Variants in AMTN observed in about 807,000 individuals in gnomAD.
The protein encoded by AMTN is RSTI689.
In AMTN, 29 loss-of-function variants were observed where a neutral mutation model predicts 27.4. The observed-to-expected ratio is 1.06, with a 90% CI of 0.79 to 1.44. AMTN has a LOEUF of 1.44. Among genes scored for constraint, AMTN ranks in the 40% most tolerant of loss-of-function variants. The pLI is 0.00. For missense variants in AMTN, 247 were observed against 248.8 expected (o/e 0.99, Z 0.05); for synonymous variants, 86 against 95.7 (o/e 0.90, Z 0.59).
In AMTN at chr4:70,522,824, C is replaced by A; in HGVS notation, c.124C>A (p.Gln42Lys). The stretch of plus-strand genomic sequence containing the variant: ...GGATCAGGGAACACTACCAAACCAA[C>A]AGCAGTCAAATCAGGTAAGAGTCCT... ...APDQGTLPNQ[Q>K]QSNQVFPSLS... The change falls in exon 3 of 9, where the codon CAG becomes AAG. Residue 42 changes from glutamine (Q) to lysine (K), a missense_variant. Transcript: ENST00000339336. The A allele has an allele frequency of 6.2e-7, 1 of 1,613,998 alleles. No individual in the cohort carries two copies. The highest frequency in any genetic ancestry group is 8.5e-7 in the Non-Finnish European group (1 of 1,179,884).
intron 8 of AMTN, among the ~76,000 whole-genome samples, chr4:70,531,599 G>A (rs1014308514): frequency 3.9e-5 from 6 of 152,052 alleles, no homozygotes; most frequent in South Asian, 2.1e-4. Context: ...TGCAACCTCC[G>A]TCTCCTAGGT....
intron 6 of AMTN, 28 bp downstream of exon 6, chr4:70,528,786 A>G: frequency 6.4e-7 from 1 of 1,557,430 alleles, no homozygotes; most frequent in Non-Finnish European, 8.7e-7. Context: ...TATTGTCTTG[A>G]TTTTAAATCA....
intron 7 of AMTN, among the ~76,000 whole-genome samples, chr4:70,530,586 C>G (rs999832787): frequency 6.6e-6 from 1 of 152,108 alleles, no homozygotes; most frequent in Non-Finnish European, 1.5e-5. Flanking sequence ...CTCCAATAGA[C>G]AGGAATTCTT....
chr4:70,521,633 A>G (rs1475585366), intron 2 of AMTN, among the ~76,000 whole-genome samples: 1 of 122,596 alleles, frequency 8.2e-6, no homozygotes, highest in Admixed American at 8.6e-5. Flanking sequence ...AGATAATACC[A>G]ACCTCTCTTT....
At chr4:70,519,659 C>T (rs927494464) in intron 2 of AMTN, among the ~76,000 whole-genome samples, 4 of 151,972 alleles carry the variant, frequency 2.6e-5, no homozygotes, top group African/African-American at 9.7e-5. Context: ...GAAAAAAAGG[C>T]ATAATCCTTC....
intron 5 of AMTN, 64 bp from the exon 6 acceptor site, chr4:70,528,659 A>G (rs1285328402): frequency 2.4e-5 from 34 of 1,432,922 alleles, no homozygotes; most frequent in Middle Eastern, 2.3e-4. Flanking sequence ...CCAAAAAAAG[A>G]TATCAGTATT....
chr4:70,529,275 T>C (rs928144250), intron 7 of AMTN, 65 bp downstream of exon 7: 19 of 1,255,274 alleles, frequency 1.5e-5, no homozygotes, highest in African/African-American at 1.2e-4. Context: ...TCTGTCCTCA[T>C]ATAGTCTCTT....
chr4:70,519,531 T>C (rs768179256), intron 2 of AMTN, among the ~76,000 whole-genome samples: 5 of 152,104 alleles, frequency 3.3e-5, no homozygotes, highest in Non-Finnish European at 5.9e-5. Context: ...GCATACTTAG[T>C]TGGGCCTCAA....
intron 4 of AMTN, among the ~76,000 whole-genome samples, 192 bp downstream of exon 4, chr4:70,524,125 A>T (rs1476929639): frequency 2.0e-5 from 3 of 152,186 alleles, no homozygotes; most frequent in Non-Finnish European, 4.4e-5. Context: ...CGTTTTTCTT[A>T]GCAAGAGAGT....
At chr4:70,531,348 T>C (rs558993799) in intron 8 of AMTN, 48 bp downstream of exon 8, 19 of 1,605,100 alleles carry the variant, frequency 1.2e-5, no homozygotes, top group Non-Finnish European at 1.6e-5. Context: ...AAAAGTCATC[T>C]GCAGAATGGA....
At position 70,531,287 on chromosome 4, in the gene AMTN, A is replaced by G. The variant is rs1736218507; in HGVS notation, c.606A>G (p.Thr202=). 6.2e-7 allele frequency: 1 copy of G among 1,613,652 alleles called. No individual in the cohort carries two copies. The highest frequency in any genetic ancestry group is 1.3e-5 in the African/African-American group (1 of 74,912). The change falls in exon 8 of 9, where the codon ACA becomes ACG. Residue 202 remains threonine, a synonymous_variant. Transcript: ENST00000339336. ...RSTHAIEEAT[T]ESANGIQ ...CACATGCCATCGAGGAAGCCACCAC[A>G]GAATCAGCAAATGGTAAATTCTCCT... is the stretch of plus-strand genomic sequence containing the variant.
Position 70,518,612 on chromosome 4 carries a change from A to G in AMTN, c.-58A>G, listed in dbSNP as rs1274143773. The G allele has an allele frequency of 1.7e-6, 1 of 590,842 alleles. No homozygotes were observed. Among genetic ancestry groups the G allele is most frequent in the Non-Finnish European group, 3.0e-6 (1 of 335,292 alleles). The allele number at this position is 590,842 out of a possible 1,614,324, so 36.6% of individuals were successfully genotyped here. ...TCACCAGAGTAAACTTGAGAAACCAACTGGACCTTGAGTATTGTACATTTT... is the reference window on the plus strand; with the variant it reads ...TCACCAGAGTAAACTTGAGAAACCAGCTGGACCTTGAGTATTGTACATTTT... On this transcript the variant is annotated 5_prime_UTR_variant, in exon 1 of 9. Transcript: ENST00000339336.
Position 70,531,019 on chromosome 4 carries a change from G to T in AMTN, c.358-20G>T. On this transcript the variant is annotated intron_variant, in intron 7 of 8. Coordinates refer to ENST00000339336, the MANE Select transcript of AMTN (RefSeq NM_212557.4). ...TGTGTTGCTTTTAACTTTGTTTTCT[G>T]TTTGCTTCCCTCATTCCAGCCACAA... 6 of 1,611,734 alleles carry T rather than the reference G, an allele frequency of 3.7e-6. No individual in the cohort carries two copies. Among genetic ancestry groups the T allele is most frequent in the Non-Finnish European group, 5.1e-6 (6 of 1,178,590 alleles).
chr4:70,530,008 AC>A (rs1409642955), intron 7 of AMTN, among the ~76,000 whole-genome samples: 86 of 152,252 alleles, frequency 5.6e-4, no homozygotes, highest in African/African-American at 1.9e-3. Flanking sequence ...GTTGCTTTCA[AC>A]CTTCCCCAAA....
intron 2 of AMTN, among the ~76,000 whole-genome samples, chr4:70,521,119 C>T (rs67621564): frequency 0.31 from 46,927 of 151,992 alleles, 8,798 homozygotes; most frequent in Admixed American, 0.42. Flanking sequence ...GTGGCTAACG[C>T]CCGTAATCCC....
chr4:70,520,974 T>C, intron 2 of AMTN, among the ~76,000 whole-genome samples: 1 of 152,050 alleles, frequency 6.6e-6, no homozygotes, highest in Admixed American at 6.6e-5. Context: ...AATGGCTGGA[T>C]GGCCAGAGCA....
intron 2 of AMTN, among the ~76,000 whole-genome samples, chr4:70,521,416 A>AAG (rs1735963817): frequency 4.2e-5 from 2 of 47,474 alleles, no homozygotes; most frequent in South Asian, 4.2e-4. Flanking sequence ...GAAAGAAAAG[A>AAG]AAAAAAATTG....
At chr4:70,530,208 T>A (rs987190944) in intron 7 of AMTN, among the ~76,000 whole-genome samples, 8 of 131,426 alleles carry the variant, frequency 6.1e-5, no homozygotes, top group Middle Eastern at 3.6e-3. Context: ...AACTACATTT[T>A]TCATGCAGCT....
rs747081258 is a variant in AMTN at position 70,528,733 on chromosome 4, T to C, written c.305T>C (p.Ile102Thr). The C allele has an allele frequency of 1.9e-6, 3 of 1,606,104 alleles. No individual in the cohort carries two copies. The East Asian group carries it at 6.7e-5, about 36-fold the overall frequency. The change falls in exon 6 of 9, where the codon ATT becomes ACT. Residue 102 changes from isoleucine to threonine, a missense_variant. Ile to Thr is a moderately conservative substitution (Grantham distance 89, BLOSUM62 -1). Coordinates refer to ENST00000339336, the MANE Select transcript of AMTN (RefSeq NM_212557.4). ...CTCTCATTTTTTCAGGTGTTACCAA[T>C]TTTTGTCACACAACTTGGAGCCCAG... Reference protein sequence around the residue: ...QQQLHPHVLPIFVTQLGAQGT... With the variant: ...QQQLHPHVLPTFVTQLGAQGT...
Sources: allele counts gnomAD v4.1 joint callset (sites outside exome capture counted in the v4.1 genomes callset), GRCh38; gene constraint gnomAD v4.1.1; transcripts MANE v1.5; gene names NCBI Gene and HGNC (gene_info 2026-07-23, HGNC 2026-07-21).